ENTPD3: variants seen among roughly 807,000 people sequenced by gnomAD.
The protein encoded by ENTPD3 is CD39 antigen-like 3.
Under a neutral mutation model 51.2 loss-of-function variants are expected in ENTPD3, and 60 were observed. The ratio of observed to expected loss-of-function variants is 1.17; its 90% CI spans 0.95 to 1.45. The LOEUF (loss-of-function observed/expected upper bound fraction) is 1.45, where lower values mean the gene tolerates loss of function less well. Among genes scored for constraint, ENTPD3 ranks in the 40% most tolerant of loss-of-function variants. The probability of loss-of-function intolerance (pLI) is 0.00; values close to 1 mark genes in which losing one functional copy is unlikely to be tolerated. For synonymous variants in ENTPD3, 221 were observed against 238.4 expected (o/e 0.93, Z 0.67); for missense variants, 593 against 641.1 (o/e 0.93, Z 0.81).
intron 10 of ENTPD3, among the ~76,000 whole-genome samples, chr3:40,426,928 G>A (rs962912729): frequency 2.0e-5 from 3 of 152,142 alleles, no homozygotes; most frequent in African/African-American, 7.2e-5. Context: ...CTGGTCCTGG[G>A]ATCAGTAAAC....
chr3:40,427,261 C>T lies in ENTPD3; in HGVS notation c.1354-11C>T. 1 of 1,610,512 alleles carries T rather than the reference C, an allele frequency of 6.2e-7. No individual in the cohort carries two copies. On this transcript the variant is annotated splice_polypyrimidine_tract_variant and intron_variant, in intron 10 of 10. Coordinates refer to ENST00000301825, the MANE Select transcript of ENTPD3 (RefSeq NM_001248.4). ...TGCCCTGAGCGCTGAGCCATCTCCTCTACTCCACAGGTGGGGAATAGCAGC... is the reference window on the plus strand; with the variant it reads ...TGCCCTGAGCGCTGAGCCATCTCCTTTACTCCACAGGTGGGGAATAGCAGC...
At chr3:40,418,893 C>T (rs1433498233) in intron 7 of ENTPD3, among the ~76,000 whole-genome samples, 1 of 151,832 alleles carries the variant, frequency 6.6e-6, no homozygotes, top group African/African-American at 2.4e-5. Context: ...ATTCCAAGTG[C>T]CATAACTTAA....
intron 7 of ENTPD3, among the ~76,000 whole-genome samples, chr3:40,418,133 G>A (rs1015045704): frequency 5.3e-5 from 8 of 152,314 alleles, no homozygotes; most frequent in Admixed American, 4.6e-4. Context: ...CCATGGAGAA[G>A]TGAGCACCCA....
At chr3:40,427,190 G>A (rs955595400) in intron 10 of ENTPD3, 82 bp from the exon 11 acceptor site, 2 of 1,134,270 alleles carry the variant, frequency 1.8e-6, no homozygotes, top group Non-Finnish European at 2.6e-6. Context: ...AGCTTTGTGA[G>A]GTTGATAGCA....
intron 4 of ENTPD3, among the ~76,000 whole-genome samples, 199 bp from the exon 5 acceptor site, chr3:40,411,613 T>C (rs1404255015): frequency 6.6e-6 from 1 of 152,222 alleles, no homozygotes; most frequent in Non-Finnish European, 1.5e-5. Flanking sequence ...GCTTACTTTT[T>C]ATACAATTGT....
At chr3:40,411,268 G>A (rs1955622739) in intron 4 of ENTPD3, among the ~76,000 whole-genome samples, 1 of 149,790 alleles carries the variant, frequency 6.7e-6, no homozygotes, top group Non-Finnish European at 1.5e-5. Flanking sequence ...TCCAGGCTGG[G>A]CGACAGAACA....
intron 10 of ENTPD3, chr3:40,425,085 T>C (rs1441923947): frequency 4.1e-6 from 1 of 241,718 alleles, no homozygotes; most frequent in African/African-American, 2.2e-5. Flanking sequence ...CTTTTTTTAA[T>C]TATAAAGAAT....
At chr3:40,397,656 T>C (rs1057332545) in intron 3 of ENTPD3, among the ~76,000 whole-genome samples, 7 of 152,216 alleles carry the variant, frequency 4.6e-5, no homozygotes, top group African/African-American at 1.2e-4. Flanking sequence ...TCTAAGAAAG[T>C]TGACCTTATG....
intron 7 of ENTPD3, among the ~76,000 whole-genome samples, chr3:40,420,657 G>C (rs1955849735): frequency 6.6e-6 from 1 of 151,906 alleles, no homozygotes. Context: ...GGCAGAAAGG[G>C]GCCTGTTTGC....
chr3:40,424,213 G>A (rs1006470218), intron 10 of ENTPD3: 9 of 969,680 alleles, frequency 9.3e-6, no homozygotes, highest in Non-Finnish European at 4.9e-6. Flanking sequence ...CTGGAGGGCA[G>A]AGACCTGTCT....
At chr3:40,393,533 A>G (rs1245307893) in intron 3 of ENTPD3, among the ~76,000 whole-genome samples, 1 of 152,216 alleles carries the variant, frequency 6.6e-6, no homozygotes, top group African/African-American at 2.4e-5. Flanking sequence ...CTAACATTCT[A>G]AGGCAGCTTT....
chr3:40,414,371 T>C (rs1213139316), intron 5 of ENTPD3, among the ~76,000 whole-genome samples: 1 of 152,200 alleles, frequency 6.6e-6, no homozygotes, highest in Admixed American at 6.5e-5. Flanking sequence ...GACAGAGCAA[T>C]GGCAGTTAAA....
intron 6 of ENTPD3, among the ~76,000 whole-genome samples, chr3:40,415,516 G>A (rs150928185): frequency 1.9e-4 from 29 of 152,120 alleles, no homozygotes; most frequent in African/African-American, 6.0e-4. Flanking sequence ...CCCAAAAATC[G>A]GAGGAACTGG....
At chr3:40,423,757 T>C in intron 9 of ENTPD3, 69 bp from the exon 10 acceptor site, 1 of 1,569,354 alleles carries the variant, frequency 6.4e-7, no homozygotes, top group East Asian at 2.3e-5. Context: ...AAACATGACT[T>C]TTAACCCAAG....
In ENTPD3 at chr3:40,400,989, A is replaced by G; in HGVS notation, c.264A>G (p.Gln88=). The stretch of plus-strand genomic sequence containing the variant: ...AGAATAATACCGGAGTGGTCAGTCA[A>G]ACCTTCAAATGTAGTGTGAAAGGTA... ...EKENNTGVVS[Q]TFKCSVKGSG... The change falls in exon 4 of 11, where the codon CAA becomes CAG. Residue 88 remains glutamine (Q), a synonymous_variant. Coordinates refer to ENST00000301825, the MANE Select transcript of ENTPD3 (RefSeq NM_001248.4). 1 of 1,613,664 alleles carries G rather than the reference A, an allele frequency of 6.2e-7. No homozygotes were observed. The highest frequency in any genetic ancestry group is 8.5e-7 in the Non-Finnish European group (1 of 1,179,596).
At position 40,428,455 on chromosome 3, in the gene ENTPD3, G is replaced by A. The variant is rs1209298527; in HGVS notation, c.*947G>A. On this transcript the variant is annotated 3_prime_UTR_variant, in exon 11 of 11. Transcript: ENST00000301825. The stretch of plus-strand genomic sequence containing the variant: ...AGACCTCTCTGCATAGTAGTCATAG[G>A]TCTTGACTTTGGGGAAAGAAAAGGA... The A allele has an allele frequency of 1.3e-5, 2 of 152,158 alleles. No homozygotes were observed. Among genetic ancestry groups the A allele is most frequent in the Non-Finnish European group, 2.9e-5 (2 of 68,044 alleles). The allele number at this position is 152,158 out of a possible 1,614,324, so 9.4% of individuals were successfully genotyped here.
intron 7 of ENTPD3, among the ~76,000 whole-genome samples, chr3:40,419,000 T>C (rs565723280): frequency 2.0e-5 from 3 of 152,126 alleles, no homozygotes; most frequent in Non-Finnish European, 2.9e-5. Flanking sequence ...AAATGAAAGA[T>C]CCTCCTTCCA....
At chr3:40,398,268 A>G (rs1955257061) in intron 3 of ENTPD3, among the ~76,000 whole-genome samples, 1 of 152,188 alleles carries the variant, frequency 6.6e-6, no homozygotes, top group East Asian at 1.9e-4. Flanking sequence ...TCAGAAACAC[A>G]GGAAAAACAT....
intron 4 of ENTPD3, among the ~76,000 whole-genome samples, chr3:40,407,697 G>C (rs1389389995): frequency 6.6e-6 from 1 of 152,172 alleles, no homozygotes; most frequent in African/African-American, 2.4e-5. Flanking sequence ...ACACACTCCA[G>C]TACTGAGAGG....
Sources: gnomAD v4.1 joint callset for allele counts (sites outside exome capture counted in the v4.1 genomes callset) on GRCh38, gnomAD v4.1.1 for gene constraint, MANE v1.5 for transcripts, NCBI Gene and HGNC (gene_info 2026-07-23, HGNC 2026-07-21) for gene names.